The following IQCK variants were observed in gnomAD, a reference collection of about 807,000 sequenced individuals.
IQCK encodes IQ motif containing K.
IQCK carries 29 observed loss-of-function variants against 28.1 expected under a neutral mutation model. The observed-to-expected ratio is 1.03, with a 90% CI of 0.77 to 1.41. The LOEUF is 1.41. IQCK is among the 40% of genes most tolerant of loss of function. The probability of loss-of-function intolerance (pLI) is 0.00; values close to 1 mark genes in which losing one functional copy is unlikely to be tolerated. For missense variants in IQCK, 359 were observed against 314.7 expected (o/e 1.14, Z -1.07); for synonymous variants, 113 against 115.1 (o/e 0.98, Z 0.12).
chr16:19,822,385 CAAAA>C (rs1216507836), intron 7 of IQCK, among the ~76,000 whole-genome samples: 11 of 61,166 alleles, frequency 1.8e-4, no homozygotes, highest in East Asian at 1.4e-3. Context: ...GACTCTGTCT[CAAAA>C]AAAAAAAAAA....
intron 4 of IQCK, among the ~76,000 whole-genome samples, chr16:19,753,901 G>A (rs752371448): frequency 1.1e-4 from 16 of 151,964 alleles, no homozygotes; most frequent in Non-Finnish European, 2.4e-4. Flanking sequence ...ACAGAAGGGG[G>A]ACAACAAACT....
At chr16:19,856,635 T>C (rs1187213219) in exon 10 of IQCK, 7 of 1,066,466 alleles carry the variant, frequency 6.6e-6, no homozygotes, top group Middle Eastern at 2.0e-4. Flanking sequence ...CTCTTGTGAT[T>C]TCTTTAACAA....
rs1167894201 is a variant in IQCK, at chr16:19,774,398, C to CTTTTTTTT, written c.605+10306_605+10313dup. ...AAGGGAATTATTTATTTAGCTAATA[C>CTTTTTTTT]TTTTTTTTTTTTTTTTTTTTTTTTT... On this transcript the variant is annotated intron_variant, in intron 6 of 7. Transcript: ENST00000564186. 3.2e-4 allele frequency among the ~76,000 whole-genome samples: 33 copies of CTTTTTTTT among 104,108 alleles called. 1 individual carries two copies. Among genetic ancestry groups the CTTTTTTTT allele is most frequent in the African/African-American group, 1.1e-3 (30 of 27,142 alleles). The allele number at this position is 104,108 out of a possible 152,430, so 68.3% of individuals were successfully genotyped here.
chr16:19,744,373 C>T (rs1375376328), intron 4 of IQCK, among the ~76,000 whole-genome samples: 2 of 152,156 alleles, frequency 1.3e-5, no homozygotes, highest in African/African-American at 2.4e-5. Context: ...TCAAGTGGTC[C>T]TCCTGCCTTG....
intron 6 of IQCK, among the ~76,000 whole-genome samples, chr16:19,767,156 G>A (rs997676595): frequency 1.3e-5 from 2 of 152,212 alleles, no homozygotes; most frequent in African/African-American, 4.8e-5. Flanking sequence ...GCTCCCACCC[G>A]ATGGCGGTGT....
intron 6 of IQCK, among the ~76,000 whole-genome samples, chr16:19,776,566 G>T (rs1217455783): frequency 6.6e-6 from 1 of 152,072 alleles, no homozygotes; most frequent in East Asian, 1.9e-4. Context: ...AATTACCCAG[G>T]CTTTGTGGTG....
chr16:19,770,379 C>G (rs1293198275), intron 6 of IQCK, among the ~76,000 whole-genome samples: 1 of 152,118 alleles, frequency 6.6e-6, no homozygotes, highest in Non-Finnish European at 1.5e-5. Flanking sequence ...TAAAACAACA[C>G]AAATTTATTA....
intron 4 of IQCK, among the ~76,000 whole-genome samples, chr16:19,752,134 C>G (rs2054995125): frequency 2.0e-5 from 3 of 152,164 alleles, no homozygotes; most frequent in Non-Finnish European, 4.4e-5. Flanking sequence ...TTAAACCTTA[C>G]AGTTAGGTTG....
At chr16:19,721,023 A>AG (rs1382429691) in intron 1 of IQCK, among the ~76,000 whole-genome samples, 2 of 152,148 alleles carry the variant, frequency 1.3e-5, no homozygotes, top group African/African-American at 4.8e-5. Flanking sequence ...AAAAAAAAAA[A>AG]AAACAATTCA....
exon 10 of IQCK, chr16:19,857,430 A>C (rs941663491): frequency 2.3e-6 from 1 of 440,276 alleles, no homozygotes; most frequent in African/African-American, 2.0e-5. Context: ...TTGTCTTGAA[A>C]TTTCTTTAAC....
At chr16:19,724,821 C>T (rs979338722) in intron 1 of IQCK, among the ~76,000 whole-genome samples, 8 of 152,152 alleles carry the variant, frequency 5.3e-5, no homozygotes, top group Non-Finnish European at 4.4e-5. Flanking sequence ...CGCGATCCAC[C>T]GTGCCCGGCC....
chr16:19,845,283 G>T (rs1456122241), intron 9 of IQCK, among the ~76,000 whole-genome samples: 1 of 152,174 alleles, frequency 6.6e-6, no homozygotes, highest in African/African-American at 2.4e-5. Flanking sequence ...TAAACTGGAG[G>T]GTTTGTCTCT....
intron 1 of IQCK, among the ~76,000 whole-genome samples, chr16:19,719,034 A>G (rs1031549917): frequency 3.3e-5 from 5 of 152,190 alleles, no homozygotes; most frequent in Admixed American, 6.5e-5. Context: ...GGAGTTGAGC[A>G]CATCTTCCTT....
At chr16:19,816,655 T>G (rs990527653) in intron 7 of IQCK, among the ~76,000 whole-genome samples, 28 of 152,222 alleles carry the variant, frequency 1.8e-4, no homozygotes, top group African/African-American at 6.3e-4. Flanking sequence ...ATTCAATACT[T>G]TGTAAACCCT....
intron 3 of IQCK, 125 bp downstream of exon 3, chr16:19,733,952 G>T: frequency 2.3e-6 from 2 of 872,716 alleles, no homozygotes; most frequent in Non-Finnish European, 3.4e-6. Context: ...ATGTGTTCTT[G>T]TTTTATTTTT....
At chr16:19,800,702 G>A (rs979557893) in intron 7 of IQCK, among the ~76,000 whole-genome samples, 5 of 54,004 alleles carry the variant, frequency 9.3e-5, no homozygotes, top group Non-Finnish European at 1.1e-4. Flanking sequence ...AAAATGCCAC[G>A]TGCAGATTAT....
chr16:19,835,990 A>G (rs1434077501), intron 9 of IQCK, among the ~76,000 whole-genome samples: 5 of 152,210 alleles, frequency 3.3e-5, no homozygotes, highest in African/African-American at 7.2e-5. Context: ...TCATCCAAAA[A>G]TGTTATATTA....
intron 4 of IQCK, among the ~76,000 whole-genome samples, chr16:19,756,813 C>T (rs574679825): frequency 1.3e-5 from 2 of 150,220 alleles, no homozygotes; most frequent in Non-Finnish European, 1.5e-5. Context: ...AGGAGAATGG[C>T]GTGAACCCGG....
At chr16:19,767,519 G>A (rs535902923) in intron 6 of IQCK, among the ~76,000 whole-genome samples, 62 of 152,136 alleles carry the variant, frequency 4.1e-4, no homozygotes, top group Non-Finnish European at 8.2e-4. Context: ...AGGTGCCTGT[G>A]CCTGCCGTGT....
Sources: allele counts gnomAD v4.1 joint callset (sites outside exome capture counted in the v4.1 genomes callset), GRCh38; gene constraint gnomAD v4.1.1; transcripts MANE v1.5; gene names NCBI Gene and HGNC (gene_info 2026-07-23, HGNC 2026-07-21).